The following NRXN1 variants were observed in gnomAD, a reference collection of about 807,000 sequenced individuals.
The protein encoded by NRXN1 is neurexin-1.
In NRXN1, 39 loss-of-function variants were observed where a neutral mutation model predicts 150.9. The observed-to-expected ratio is 0.26, with a 90% CI of 0.20 to 0.34. NRXN1 has a LOEUF of 0.34. Ranked by LOEUF, NRXN1 falls within the 10% of genes least tolerant of loss-of-function variation. The probability of loss-of-function intolerance (pLI) is 1.00; values close to 1 mark genes in which losing one functional copy is unlikely to be tolerated. For synonymous variants in NRXN1, 924 were observed against 757.0 expected (o/e 1.22, Z -3.62); for missense variants, 1,815 against 1,949.9 (o/e 0.93, Z 1.30).
chr2:50,030,632 G>C (rs1028673021), intron 21 of NRXN1, among the ~76,000 whole-genome samples: 1 of 152,042 alleles, frequency 6.6e-6, no homozygotes, highest in African/African-American at 2.4e-5. Flanking sequence ...TTCCTTGCCT[G>C]TGAAACTTTG....
At chr2:50,858,083 C>T (rs1214691095) in intron 5 of NRXN1, among the ~76,000 whole-genome samples, 1 of 132,946 alleles carries the variant, frequency 7.5e-6, no homozygotes, top group African/African-American at 2.5e-5. Flanking sequence ...GCATGTTTTA[C>T]CCAAATAGAT....
chr2:50,347,756 GA>G lies in NRXN1; in HGVS notation c.3365-110787del. On this transcript the variant is annotated intron_variant, in intron 17 of 22. Coordinates refer to ENST00000401669, the MANE Select transcript of NRXN1 (RefSeq NM_001330078.2). This position sits in a 1 kb window ranked among gnomAD's most constrained non-coding sequence, Gnocchi z 4.9. ...AAAAAGAAAAAGAAAAAGAAAAAAA[GA>G]AAAGAAAAACCACACACGCTGGTGA... The G allele has an allele frequency of 1.0e-6, 1 of 986,418 alleles. No homozygotes were observed. The highest frequency in any genetic ancestry group is 1.2e-6 in the Non-Finnish European group (1 of 830,652). 61.1% of individuals were successfully genotyped at this position (986,418 alleles called of 1,614,324 possible).
intron 17 of NRXN1, among the ~76,000 whole-genome samples, chr2:50,321,405 G>A (rs1190476276): frequency 6.6e-6 from 1 of 152,122 alleles, no homozygotes; most frequent in African/African-American, 2.4e-5. Context: ...CTCACTGGGA[G>A]AAATAAACTG....
chr2:50,989,964 T>C (rs1482697513), intron 2 of NRXN1, among the ~76,000 whole-genome samples: 1 of 152,048 alleles, frequency 6.6e-6, no homozygotes, highest in African/African-American at 2.4e-5. Context: ...TTGCTTGCTC[T>C]ACATACTTGC....
chr2:50,182,355 G>A (rs1212931624), intron 18 of NRXN1, among the ~76,000 whole-genome samples: 1 of 151,996 alleles, frequency 6.6e-6, no homozygotes, highest in East Asian at 1.9e-4. Context: ...AAAGAATAAA[G>A]TTTAAAATCC....
intron 5 of NRXN1, among the ~76,000 whole-genome samples, chr2:50,872,471 G>T (rs917333015): frequency 6.6e-6 from 1 of 151,730 alleles, no homozygotes; most frequent in African/African-American, 2.4e-5. Context: ...GGCATACCTT[G>T]GAGGTGGTAG....
intron 2 of NRXN1, among the ~76,000 whole-genome samples, chr2:50,927,876 A>T (rs921591986): frequency 3.3e-5 from 5 of 151,928 alleles, no homozygotes; most frequent in South Asian, 2.1e-4. Flanking sequence ...TAAAACTACA[A>T]TTAAAAAAAA....
intron 17 of NRXN1, among the ~76,000 whole-genome samples, chr2:50,419,713 T>C (rs2083821883): frequency 1.3e-5 from 2 of 152,158 alleles, no homozygotes; most frequent in Middle Eastern, 3.4e-3. Flanking sequence ...TACTTAAACT[T>C]TATCCTTTGT....
chr2:49,920,288 A>ATACTT lies in NRXN1; in HGVS notation c.*1651_*1655dup, dbSNP rs1667968834. The ATACTT allele has an allele frequency of 1.3e-5, 2 of 152,466 alleles. No individual in the cohort carries two copies. The highest frequency in any genetic ancestry group is 4.1e-4 in the South Asian group (2 of 4,828). The allele number at this position is 152,466 out of a possible 1,614,324, so 9.4% of individuals were successfully genotyped here. A position where few individuals can be genotyped will look rare whatever the true frequency, so the allele number is the denominator to read the frequency against. On this transcript the variant is annotated 3_prime_UTR_variant, in exon 23 of 23. Transcript: ENST00000401669. The stretch of plus-strand genomic sequence containing the variant: ...ATACAGAATCAAAAATTACTGAAAA[A>ATACTT]TACTTTCTTAGTCGAGAGAAAGTGT...
At chr2:50,695,841 A>AT (rs5831150) in intron 5 of NRXN1, among the ~76,000 whole-genome samples, 77,021 of 127,240 alleles carry the variant, frequency 0.61, 24,109 homozygotes, top group East Asian at 0.85. Context: ...AGTGACTCTG[A>AT]TTTTTTTTTT....
At chr2:50,190,059 C>G (rs115225240) in intron 18 of NRXN1, among the ~76,000 whole-genome samples, 1 of 152,050 alleles carries the variant, frequency 6.6e-6, no homozygotes, top group Non-Finnish European at 1.5e-5. Context: ...AAACAATGGA[C>G]ATTTTAACTT....
chr2:50,637,096 G>C (rs934520549), intron 5 of NRXN1, among the ~76,000 whole-genome samples: 1 of 152,072 alleles, frequency 6.6e-6, no homozygotes, highest in Non-Finnish European at 1.5e-5. Flanking sequence ...ATGTCCAAGA[G>C]CAGTAAATGT....
At chr2:50,547,707 G>C (rs879741634) in intron 9 of NRXN1, among the ~76,000 whole-genome samples, 1 of 152,164 alleles carries the variant, frequency 6.6e-6, no homozygotes, top group Non-Finnish European at 1.5e-5. Flanking sequence ...CAGCACTGAA[G>C]TCATCCACTC....
At chr2:50,521,013 C>T (rs929508749) in intron 12 of NRXN1, among the ~76,000 whole-genome samples, 2 of 152,084 alleles carry the variant, frequency 1.3e-5, no homozygotes, top group East Asian at 1.9e-4. Flanking sequence ...ACTTCCTTTG[C>T]GCCTACTGAA....
Position 50,906,708 on chromosome 2 carries a change from C to T in NRXN1, c.832+15161G>A, listed in dbSNP as rs373489420. On this transcript the variant is annotated intron_variant, in intron 5 of 22. Coordinates refer to ENST00000401669, the MANE Select transcript of NRXN1 (RefSeq NM_001330078.2). ...CCCTTGTTGCATTAATACTCAATTG[C>T]TTGCAACCTGCATTTCTCTTACATA... Among the ~76,000 whole-genome samples the T allele has an allele frequency of 2.6e-5, 4 of 152,056 alleles. No individual in the cohort carries two copies. In the East Asian group the frequency reaches 5.8e-4, roughly 22 times the overall value.
intron 21 of NRXN1, among the ~76,000 whole-genome samples, chr2:49,985,127 T>C (rs1471090782): frequency 6.6e-6 from 1 of 152,090 alleles, no homozygotes; most frequent in East Asian, 1.9e-4. Flanking sequence ...AAAATGAGAG[T>C]AACAGCAATA....
intron 18 of NRXN1, among the ~76,000 whole-genome samples, chr2:50,194,594 G>C (rs1405024865): frequency 1.3e-5 from 2 of 152,120 alleles, no homozygotes; most frequent in African/African-American, 4.8e-5. Context: ...CCCTTTGAAA[G>C]ATAATGTTTG....
intron 21 of NRXN1, among the ~76,000 whole-genome samples, chr2:50,049,826 C>G (rs1171266764): frequency 6.6e-6 from 1 of 152,028 alleles, no homozygotes; most frequent in Non-Finnish European, 1.5e-5. Context: ...TGCCACATGC[C>G]AAGAAGCTCT....
rs1184716020 is a variant in NRXN1 at position 50,504,027 on chromosome 2, T to C, written c.2497+2468A>G. On this transcript the variant is annotated intron_variant, in intron 13 of 22. Transcript: ENST00000401669. ...AGATAAGCACAAACTGGTGACTTTA[T>C]ATTAATACAAAGCAGGAAGAGATTA... Among the ~76,000 whole-genome samples the C allele has an allele frequency of 1.2e-4, 18 of 151,000 alleles. No individual in the cohort carries two copies. In the South Asian group the frequency reaches 2.3e-3, roughly 19 times the overall value.
Sources: allele counts gnomAD v4.1 joint callset (sites outside exome capture counted in the v4.1 genomes callset), GRCh38; gene constraint gnomAD v4.1.1; non-coding constraint Gnocchi (gnomAD v3.1); transcripts MANE v1.5; gene names NCBI Gene and HGNC (gene_info 2026-07-23, HGNC 2026-07-21).